MSI2: variants seen among roughly 807,000 people sequenced by gnomAD.
The protein encoded by MSI2 is musashi RNA binding protein 2.
Under a neutral mutation model 45.6 loss-of-function variants are expected in MSI2, and 17 were observed. The ratio of observed to expected loss-of-function variants is 0.37; its 90% CI spans 0.26 to 0.56. The LOEUF (loss-of-function observed/expected upper bound fraction) is 0.56. MSI2 is among the 20% of genes least tolerant of loss of function. MSI2 has a pLI of 0.77. For synonymous variants in MSI2, 156 were observed against 158.2 expected (o/e 0.99, Z 0.11); for missense variants, 293 against 444.2 (o/e 0.66, Z 3.06).
intron 5 of MSI2, among the ~76,000 whole-genome samples, chr17:57,268,784 G>A (rs748334093): frequency 2.0e-5 from 3 of 152,056 alleles, no homozygotes; most frequent in Admixed American, 6.6e-5. Context: ...GCAGTGAGCC[G>A]AGATTGCGCC....
chr17:57,689,295 A>C (rs1413248809), downstream of MSI2, among the ~76,000 whole-genome samples: 2 of 152,048 alleles, frequency 1.3e-5, no homozygotes, highest in Admixed American at 1.3e-4. Context: ...AACTATTTCC[A>C]TTTTTTGAAT....
intron 5 of MSI2, among the ~76,000 whole-genome samples, chr17:57,395,100 G>C (rs771614841): frequency 1.1e-4 from 16 of 152,174 alleles, no homozygotes; most frequent in Non-Finnish European, 1.8e-4. Context: ...TTGGTTTGCA[G>C]GCACATCACT....
At chr17:57,663,451 G>A (rs908771747) in intron 11 of MSI2, among the ~76,000 whole-genome samples, 4 of 152,132 alleles carry the variant, frequency 2.6e-5, no homozygotes, top group African/African-American at 4.8e-5. Context: ...CCCCAGCCCC[G>A]CTCGCCCCTC....
At chr17:57,367,492 T>C (rs1468112248) in intron 5 of MSI2, among the ~76,000 whole-genome samples, 1 of 152,192 alleles carries the variant, frequency 6.6e-6, no homozygotes, top group Non-Finnish European at 1.5e-5. Context: ...AGGAAGACTC[T>C]TGGGCCTTGG....
intron 6 of MSI2, among the ~76,000 whole-genome samples, chr17:57,504,836 C>T (rs1025376700): frequency 6.6e-6 from 1 of 151,594 alleles, no homozygotes; most frequent in African/African-American, 2.4e-5. Flanking sequence ...GAAGCTGAGG[C>T]AGGAGAGTTG....
chr17:57,497,691 C>T (rs979795893), intron 6 of MSI2, among the ~76,000 whole-genome samples: 20 of 152,092 alleles, frequency 1.3e-4, no homozygotes, highest in Non-Finnish European at 2.4e-4. Flanking sequence ...GATTCCTGGG[C>T]GCCACCCCAA....
Position 57,612,414 on chromosome 17 carries a change from T to C in MSI2, c.538-3556T>C, listed in dbSNP as rs141697062. ...GGGGACTGGACAGGCTTCCTGGTCC[T>C]GAGAAGTCTTTCAAGAGGCCTTCAG... On this transcript the variant is annotated intron_variant, in intron 8 of 13. Transcript: ENST00000284073. Among the ~76,000 whole-genome samples the C allele has an allele frequency of 6.7e-3, 638 of 95,184 alleles. 238 individuals are homozygous for C. The highest frequency in any genetic ancestry group is 0.013 in the Non-Finnish European group (523 of 39,444). The allele number at this position is 95,184 out of a possible 152,430, so 62.4% of individuals were successfully genotyped here. A position where few individuals can be genotyped will look rare whatever the true frequency, so the allele number is the denominator to read the frequency against.
rs62058106 is a variant in MSI2 at position 57,565,474 on chromosome 17, G to A, written c.455-31394G>A. ...CTGCCCCTTTGTGCCTGGAGGCCTC[G>A]TCTTCTGTCTAGAATAGGTGGATGC... On this transcript the variant is annotated intron_variant, in intron 7 of 13. Transcript: ENST00000284073. Among the ~76,000 whole-genome samples the A allele has an allele frequency of 1.3e-3, 197 of 152,266 alleles. 1 individual carries two copies. The highest frequency in any genetic ancestry group is 2.5e-3 in the Non-Finnish European group (170 of 68,018).
chr17:57,484,663 A>C (rs1260294075), intron 6 of MSI2, among the ~76,000 whole-genome samples: 1 of 152,140 alleles, frequency 6.6e-6, no homozygotes, highest in Non-Finnish European at 1.5e-5. Context: ...AGTTGTCTTC[A>C]TTGCTGAGTG....
chr17:57,379,857 G>C (rs967352433), intron 5 of MSI2, among the ~76,000 whole-genome samples: 1 of 152,148 alleles, frequency 6.6e-6, no homozygotes, highest in Non-Finnish European at 1.5e-5. Flanking sequence ...CTTTGTTCTC[G>C]AATACGGTGA....
chr17:57,442,074 G>T (rs1203672967), intron 6 of MSI2, among the ~76,000 whole-genome samples: 5 of 145,798 alleles, frequency 3.4e-5, no homozygotes, highest in Non-Finnish European at 7.5e-5. Flanking sequence ...GTCTTGCTCT[G>T]TCTCCAGGCT....
At chr17:57,651,047 G>A (rs1195042717) in intron 10 of MSI2, among the ~76,000 whole-genome samples, 1 of 152,174 alleles carries the variant, frequency 6.6e-6, no homozygotes, top group Non-Finnish European at 1.5e-5. Flanking sequence ...CATCTGCCTG[G>A]ATGGCAGAGG....
At chr17:57,429,893 G>A (rs2084563867) in intron 6 of MSI2, among the ~76,000 whole-genome samples, 5 of 152,194 alleles carry the variant, frequency 3.3e-5, no homozygotes, top group Admixed American at 3.3e-4. Flanking sequence ...GGAGCAGGCA[G>A]GCCTGGCTGC....
intron 9 of MSI2, among the ~76,000 whole-genome samples, chr17:57,619,238 G>A (rs1427524073): frequency 4.6e-5 from 7 of 152,246 alleles, no homozygotes; most frequent in East Asian, 3.8e-4. Flanking sequence ...TGGGAACACA[G>A]GTAGGGAGGC....
chr17:57,503,608 C>A (rs1598341961), intron 6 of MSI2, among the ~76,000 whole-genome samples: 1 of 152,238 alleles, frequency 6.6e-6, no homozygotes, highest in South Asian at 2.1e-4. Flanking sequence ...ATTGCTCAGT[C>A]CCCAGAGCTG....
At position 57,574,033 on chromosome 17, in the gene MSI2, A is replaced by G. The variant is rs73994423; in HGVS notation, c.455-22835A>G. Among the ~76,000 whole-genome samples the G allele has an allele frequency of 9.7e-3, 1,479 of 152,284 alleles. 22 individuals carry two copies. The highest frequency in any genetic ancestry group is 0.034 in the African/African-American group (1,425 of 41,536). ...CGGGGAAAGGAATATGGCTCATCCT[A>G]GAGGAGAACAAGTCAGGAGGTAGCT... is the stretch of plus-strand genomic sequence containing the variant. On this transcript the variant is annotated intron_variant, in intron 7 of 13. Transcript: ENST00000284073.
chr17:57,389,817 T>C (rs941858547), intron 5 of MSI2, among the ~76,000 whole-genome samples: 4 of 152,220 alleles, frequency 2.6e-5, no homozygotes, highest in African/African-American at 9.6e-5. Context: ...TTGCCCCCAC[T>C]TTATGCGTAG....
chr17:57,257,977 A>G (rs796098461), intron 3 of MSI2, among the ~76,000 whole-genome samples: 11 of 152,264 alleles, frequency 7.2e-5, no homozygotes, highest in African/African-American at 2.6e-4. Context: ...AAGCGTTAAG[A>G]AAGGGAAGGG....
In MSI2 at chr17:57,580,565, G is replaced by A. The variant is rs555227413; in HGVS notation, c.455-16303G>A. Among the ~76,000 whole-genome samples the A allele has an allele frequency of 2.0e-5, 3 of 152,312 alleles. No individual in the cohort carries two copies. The South Asian group carries it at 6.2e-4, about 32-fold the overall frequency. On this transcript the variant is annotated intron_variant, in intron 7 of 13. Transcript: ENST00000284073. ...CCCTGCCAGGTGGACGGCTTCATTA[G>A]TAAGCGTGAAAAATTGGGAGTGCCA...
Sources: gnomAD v4.1 joint callset for allele counts (sites outside exome capture counted in the v4.1 genomes callset) on GRCh38, gnomAD v4.1.1 for gene constraint, MANE v1.5 for transcripts, NCBI Gene and HGNC (gene_info 2026-07-23, HGNC 2026-07-21) for gene names.